The following RAB10 variants were observed in gnomAD, a reference collection of about 807,000 sequenced individuals.
The protein encoded by RAB10 is ras-related protein Rab-10.
Under a neutral mutation model 25.7 loss-of-function variants are expected in RAB10, and 5 were observed. The observed-to-expected ratio is 0.19, with a 90% confidence interval of 0.10 to 0.41. The LOEUF (loss-of-function observed/expected upper bound fraction) is 0.41, where lower values mean the gene tolerates loss of function less well. Among genes scored for constraint, RAB10 ranks in the 10% least tolerant of loss-of-function variants. The probability of loss-of-function intolerance (pLI) is 1.00; values close to 1 mark genes in which losing one functional copy is unlikely to be tolerated. For synonymous variants in RAB10, 89 were observed against 86.4 expected (o/e 1.03, Z -0.16); for missense variants, 103 against 245.8 (o/e 0.42, Z 3.89).
chr2:26,079,762 C>T (rs1666827741), intron 1 of RAB10, among the ~76,000 whole-genome samples: 1 of 152,076 alleles, frequency 6.6e-6, no homozygotes, highest in Non-Finnish European at 1.5e-5. Flanking sequence ...ACTTCATGGG[C>T]TCAAGTGATC....
At chr2:26,121,241 A>T (rs1043381060) in intron 3 of RAB10, among the ~76,000 whole-genome samples, 4 of 152,122 alleles carry the variant, frequency 2.6e-5, no homozygotes, top group Non-Finnish European at 5.9e-5. Flanking sequence ...TTGTGATTCT[A>T]CTAAGGGTAT....
intron 2 of RAB10, among the ~76,000 whole-genome samples, chr2:26,106,403 C>A (rs1667463745): frequency 6.6e-6 from 1 of 152,084 alleles, no homozygotes; most frequent in Admixed American, 6.5e-5. Context: ...TAGGAGATTG[C>A]AACAGAATAA....
At chr2:26,039,366 G>T (rs1345727635) in intron 1 of RAB10, among the ~76,000 whole-genome samples, 1 of 151,014 alleles carries the variant, frequency 6.6e-6, no homozygotes, top group Non-Finnish European at 1.5e-5. Flanking sequence ...TTCTTTTTGA[G>T]ATGGAGTATC....
chr2:26,034,327 G>T lies in RAB10; in HGVS notation c.-282G>T, dbSNP rs1665708769. The stretch of plus-strand genomic sequence containing the variant: ...GGGAGCGTCCCGGCCGAGAAGCCCT[G>T]AGGGGGGAGGGGAGGCCATTTTGTC... On this transcript the variant is annotated 5_prime_UTR_variant, in exon 1 of 6. Transcript: ENST00000264710. The T allele has an allele frequency of 1.8e-6, 1 of 565,306 alleles. No homozygotes were observed. The highest frequency in any genetic ancestry group is 3.0e-5 in the Admixed American group (1 of 33,124). 35.0% of individuals were successfully genotyped at this position (565,306 alleles called of 1,614,324 possible). A position where few individuals can be genotyped will look rare whatever the true frequency, so the allele number is the denominator to read the frequency against.
intron 2 of RAB10, among the ~76,000 whole-genome samples, chr2:26,099,661 C>T (rs1484390929): frequency 6.6e-6 from 1 of 151,608 alleles, no homozygotes; most frequent in Non-Finnish European, 1.5e-5. Flanking sequence ...CTGCCTCAGC[C>T]TCCCAAGTAG....
At chr2:26,116,979 T>C (rs1210351848) in intron 3 of RAB10, among the ~76,000 whole-genome samples, 1 of 152,136 alleles carries the variant, frequency 6.6e-6, no homozygotes, top group Non-Finnish European at 1.5e-5. Context: ...TTTGTATTTC[T>C]TTAGCAAAAG....
chr2:26,073,560 C>T (rs1199347770), intron 1 of RAB10, among the ~76,000 whole-genome samples: 1 of 152,164 alleles, frequency 6.6e-6, no homozygotes. Context: ...ATTGGCAGAA[C>T]CTACCCAGAA....
rs568144108 is a variant in RAB10, at chr2:26,077,534, G to T, written c.128-21128G>T. 3.9e-4 allele frequency among the ~76,000 whole-genome samples: 60 copies of T among 152,288 alleles called. 2 individuals carry two copies. In the South Asian group the frequency reaches 6.2e-3, roughly 16 times the overall value. On this transcript the variant is annotated intron_variant, in intron 1 of 5. Coordinates refer to ENST00000264710, the MANE Select transcript of RAB10 (RefSeq NM_016131.5). ...TGATTCAACAGTTTTTAGGCATTAA[G>T]AATTTATGATACATTACTGTGTAAT...
At chr2:26,047,875 C>T (rs1666049547) in intron 1 of RAB10, among the ~76,000 whole-genome samples, 1 of 151,972 alleles carries the variant, frequency 6.6e-6, no homozygotes, top group Non-Finnish European at 1.5e-5. Flanking sequence ...AGGCATGCAC[C>T]ACCACACCCA....
intron 1 of RAB10, among the ~76,000 whole-genome samples, chr2:26,097,022 G>C (rs985248464): frequency 6.6e-6 from 1 of 152,150 alleles, no homozygotes; most frequent in African/African-American, 2.4e-5. Flanking sequence ...TTCGAGACCA[G>C]CCTGGGCAAC....
intron 1 of RAB10, among the ~76,000 whole-genome samples, chr2:26,082,147 A>C (rs963097635): frequency 3.9e-5 from 6 of 152,174 alleles, no homozygotes; most frequent in African/African-American, 1.4e-4. Flanking sequence ...AAAATGTAGA[A>C]GTGTAACAAA....
chr2:26,074,543 C>G (rs1402593758), intron 1 of RAB10, among the ~76,000 whole-genome samples: 1 of 152,234 alleles, frequency 6.6e-6, no homozygotes, highest in East Asian at 1.9e-4. Flanking sequence ...CTCAGCCTCC[C>G]GAGTAGCTGG....
chr2:26,063,007 C>T (rs771483519), intron 1 of RAB10, among the ~76,000 whole-genome samples: 1 of 151,244 alleles, frequency 6.6e-6, no homozygotes, highest in Non-Finnish European at 1.5e-5. Flanking sequence ...CCCGGCTGCT[C>T]GGGAGGCTGA....
chr2:26,043,906 A>G (rs913902998), intron 1 of RAB10, among the ~76,000 whole-genome samples: 2 of 152,180 alleles, frequency 1.3e-5, no homozygotes, highest in East Asian at 1.9e-4. Context: ...GACAAATACT[A>G]TGTGATTTCA....
rs1237396401 is a variant in RAB10 at position 26,137,105 on chromosome 2, C to T, written c.*2084C>T. On this transcript the variant is annotated 3_prime_UTR_variant, in exon 6 of 6. Coordinates refer to ENST00000264710, the MANE Select transcript of RAB10 (RefSeq NM_016131.5). ...AACACTGGGATTTTTGGATAACAGA[C>T]TGACAGTTTTGCATAATTATAATCG... 6.5e-6 allele frequency: 1 copy of T among 152,718 alleles called. No individual in the cohort carries two copies. Among genetic ancestry groups the T allele is most frequent in the East Asian group, 1.9e-4 (1 of 5,186 alleles). 9.5% of individuals were successfully genotyped at this position (152,718 alleles called of 1,614,324 possible).
At chr2:26,094,091 G>A (rs1253251277) in intron 1 of RAB10, among the ~76,000 whole-genome samples, 2 of 151,508 alleles carry the variant, frequency 1.3e-5, no homozygotes, top group African/African-American at 4.9e-5. Flanking sequence ...GTTTTGCCTT[G>A]TTGCTCAGGC....
Position 26,080,275 on chromosome 2 carries a change from A to G in RAB10, c.128-18387A>G, listed in dbSNP as rs542034510. Among the ~76,000 whole-genome samples the G allele has an allele frequency of 4.3e-4, 65 of 152,360 alleles. 2 individuals are homozygous for G. In the South Asian group the frequency reaches 0.013, roughly 30 times the overall value. On this transcript the variant is annotated intron_variant, in intron 1 of 5. Coordinates refer to ENST00000264710, the MANE Select transcript of RAB10 (RefSeq NM_016131.5). The stretch of plus-strand genomic sequence containing the variant: ...GGTGGAAGAAACAACTTGCAAAAGC[A>G]GAATTTCAATTAAGAACTGTAAAAA...
intron 3 of RAB10, among the ~76,000 whole-genome samples, chr2:26,118,160 A>G (rs1667730523): frequency 6.6e-6 from 1 of 152,070 alleles, no homozygotes; most frequent in Non-Finnish European, 1.5e-5. Context: ...TTTAGTAGAG[A>G]CGGGGTTTCA....
chr2:26,135,992 A>T lies in RAB10; in HGVS notation c.*971A>T, dbSNP rs530201614. On this transcript the variant is annotated 3_prime_UTR_variant, in exon 6 of 6. Transcript: ENST00000264710. ...CCCCCTCATTTGCTCTCTTCCCTAA[A>T]ATGTGTCCCAGATGCCTTCATTTGC... 8 of 152,686 alleles carry T rather than the reference A, an allele frequency of 5.2e-5. No homozygotes were observed. In the South Asian group the frequency reaches 1.7e-3, roughly 32 times the overall value. The allele number at this position is 152,686 out of a possible 1,614,324, so 9.5% of individuals were successfully genotyped here.
Sources: gnomAD v4.1 joint callset for allele counts (sites outside exome capture counted in the v4.1 genomes callset) on GRCh38, gnomAD v4.1.1 for gene constraint, MANE v1.5 for transcripts, NCBI Gene and HGNC (gene_info 2026-07-23, HGNC 2026-07-21) for gene names.